The following EVA1C variants were observed in gnomAD, a reference collection of about 807,000 sequenced individuals.
The protein encoded by EVA1C is eva-1 homolog C.
EVA1C carries 25 observed loss-of-function variants against 45.4 expected under a neutral mutation model. That is an observed-to-expected ratio of 0.55 (90% CI 0.40 to 0.77). The LOEUF (loss-of-function observed/expected upper bound fraction) is 0.77, where lower values mean the gene tolerates loss of function less well. Among genes scored for constraint, EVA1C ranks in the 30% least tolerant of loss-of-function variants. The pLI, the probability that EVA1C is intolerant of heterozygous loss-of-function variation, is 0.00. For missense variants in EVA1C, 479 were observed against 554.8 expected (o/e 0.86, Z 1.37); for synonymous variants, 190 against 221.2 (o/e 0.86, Z 1.25).
At chr21:32,456,176 G>A (rs2146260668) in intron 2 of EVA1C, among the ~76,000 whole-genome samples, 1 of 149,362 alleles carries the variant, frequency 6.7e-6, no homozygotes, top group South Asian at 2.1e-4. Flanking sequence ...ACAGGTGTGA[G>A]CCACCGCGCC....
chr21:32,504,026 G>C lies in EVA1C; in HGVS notation c.949+11G>C. 6.4e-7 allele frequency: 1 copy of C among 1,566,356 alleles called. No homozygotes were observed. The highest frequency in any genetic ancestry group is 8.8e-7 in the Non-Finnish European group (1 of 1,140,698). On this transcript the variant is annotated intron_variant, in intron 7 of 7. Transcript: ENST00000300255. ...TTGCTTACATTAGAGGTAGGTCAAT[G>C]AATCAAAGCTTCCTAGAATGCTGAT...
chr21:32,457,709 A>T lies in EVA1C; in HGVS notation c.470A>T (p.Lys157Ile). 8 of 1,614,066 alleles carry T rather than the reference A, an allele frequency of 5.0e-6. No homozygotes were observed. Among genetic ancestry groups the T allele is most frequent in the Non-Finnish European group, 6.8e-6 (8 of 1,180,000 alleles). ...GSSKYLLVSF[K>I]CQPNELKNKT... ...AGTAAATACCTCCTGGTCTCCTTTAAATGCCAACCTAGTAAGTAACTTCGG... is the reference window on the plus strand; with the variant it reads ...AGTAAATACCTCCTGGTCTCCTTTATATGCCAACCTAGTAAGTAACTTCGG... The change falls in exon 3 of 8, where the codon AAA becomes ATA. Residue 157 changes from lysine (K) to isoleucine (I), a missense_variant. Lys to Ile is a moderately radical substitution (Grantham distance 102). Around this residue, in one of 3 missense-constraint regions of EVA1C, gnomAD observed 366 missense variants for 426.1 expected, o/e 0.86. Coordinates refer to ENST00000300255, the MANE Select transcript of EVA1C (RefSeq NM_058187.5).
chr21:32,414,918 G>A (rs2033976678), intron 1 of EVA1C, among the ~76,000 whole-genome samples: 1 of 152,104 alleles, frequency 6.6e-6, no homozygotes, highest in Non-Finnish European at 1.5e-5. Context: ...CCAAACCACT[G>A]ATGCACTTAA....
intron 2 of EVA1C, among the ~76,000 whole-genome samples, chr21:32,455,938 G>C (rs1568902920): frequency 6.6e-6 from 1 of 152,076 alleles, no homozygotes. Context: ...TGTTGCCCAG[G>C]CTGGAGTGCA....
chr21:32,488,988 T>G (rs940605972), intron 4 of EVA1C, among the ~76,000 whole-genome samples: 1 of 152,270 alleles, frequency 6.6e-6, no homozygotes, highest in African/African-American at 2.4e-5. Context: ...TATAAGTTCC[T>G]TATATATTTG....
chr21:32,499,300 C>A (rs909630221), intron 5 of EVA1C, among the ~76,000 whole-genome samples: 1 of 152,168 alleles, frequency 6.6e-6, no homozygotes, highest in Non-Finnish European at 1.5e-5. Flanking sequence ...GAAATGAATG[C>A]GAGGTAATTA....
At chr21:32,489,737 A>T (rs2037091929) in intron 4 of EVA1C, among the ~76,000 whole-genome samples, 1 of 152,102 alleles carries the variant, frequency 6.6e-6, no homozygotes, top group Non-Finnish European at 1.5e-5. Context: ...TAAGCATGGG[A>T]TACCTTTTCA....
intron 1 of EVA1C, among the ~76,000 whole-genome samples, chr21:32,429,925 T>C (rs1313231662): frequency 3.3e-5 from 5 of 152,220 alleles, no homozygotes; most frequent in Non-Finnish European, 5.9e-5. Context: ...TTTTTGCTTA[T>C]GAAGGCTTGG....
intron 3 of EVA1C, among the ~76,000 whole-genome samples, chr21:32,465,751 G>C (rs2036149539): frequency 1.3e-5 from 2 of 152,114 alleles, no homozygotes; most frequent in African/African-American, 4.8e-5. Context: ...GCCCGCCTTG[G>C]CCTCTCAAAG....
intron 4 of EVA1C, among the ~76,000 whole-genome samples, chr21:32,494,396 T>C (rs2833853): frequency 0.18 from 26,791 of 152,162 alleles, 3,254 homozygotes; most frequent in African/African-American, 0.32. Context: ...CAAAGCATGG[T>C]AAAGGTCGTA....
chr21:32,412,686 C>T (rs1277829807), upstream of EVA1C: 1 of 562,320 alleles, frequency 1.8e-6, no homozygotes, highest in Non-Finnish European at 2.7e-6. Flanking sequence ...GCTGGGGCGC[C>T]TGGGCTGGCC....
chr21:32,481,316 T>C (rs1482917986), intron 4 of EVA1C, among the ~76,000 whole-genome samples: 1 of 152,110 alleles, frequency 6.6e-6, no homozygotes, highest in Non-Finnish European at 1.5e-5. Flanking sequence ...TTTTTTCTAC[T>C]TAGGGAGAGG....
intron 1 of EVA1C, among the ~76,000 whole-genome samples, chr21:32,418,272 G>A (rs1308078910): frequency 1.3e-5 from 2 of 152,170 alleles, no homozygotes; most frequent in Non-Finnish European, 2.9e-5. Context: ...CAAACCAAAT[G>A]TCCGAAGGAG....
intron 1 of EVA1C, among the ~76,000 whole-genome samples, chr21:32,434,646 A>G (rs903737282): frequency 6.6e-6 from 1 of 151,476 alleles, no homozygotes; most frequent in Non-Finnish European, 1.5e-5. Context: ...TTATATATAT[A>G]TAGATATAGA....
intron 7 of EVA1C, among the ~76,000 whole-genome samples, chr21:32,509,326 A>G (rs2037870904): frequency 6.6e-6 from 1 of 152,246 alleles, no homozygotes; most frequent in Admixed American, 6.5e-5. Context: ...GCTGCATCTC[A>G]GCAGAGTTGA....
At chr21:32,435,851 T>TAAA (rs1555852437) in intron 1 of EVA1C, among the ~76,000 whole-genome samples, 16 of 107,198 alleles carry the variant, frequency 1.5e-4, no homozygotes, top group Admixed American at 3.8e-4. Context: ...TCCTTCTAAG[T>TAAA]AAAGAAAAAT....
rs985462705 is a variant in EVA1C at position 32,496,826 on chromosome 21, A to G, written c.778+1656A>G. On this transcript the variant is annotated intron_variant, in intron 5 of 7. Transcript: ENST00000300255. ...CTGGGAACGGAGTATATTCTAGTGAAAGGAGACCAGGTGACTGGCATAGTG... is the reference window on the plus strand; with the variant it reads ...CTGGGAACGGAGTATATTCTAGTGAGAGGAGACCAGGTGACTGGCATAGTG... The G allele has an allele frequency of 2.4e-5, 20 of 835,070 alleles. No individual in the cohort carries two copies. In the African/African-American group the frequency reaches 3.0e-4, roughly 13 times the overall value. 51.7% of individuals were successfully genotyped at this position (835,070 alleles called of 1,614,324 possible).
chr21:32,446,582 C>A (rs1351752212), intron 1 of EVA1C, among the ~76,000 whole-genome samples: 1 of 152,160 alleles, frequency 6.6e-6, no homozygotes, highest in Non-Finnish European at 1.5e-5. Context: ...ATGACTCTGC[C>A]CAGCACACTG....
intron 2 of EVA1C, among the ~76,000 whole-genome samples, chr21:32,457,232 G>A (rs949993038): frequency 2.6e-5 from 4 of 152,186 alleles, no homozygotes; most frequent in Non-Finnish European, 4.4e-5. Context: ...GACCCCGCTC[G>A]AAGGGGACCC....
Sources: allele counts gnomAD v4.1 joint callset (sites outside exome capture counted in the v4.1 genomes callset), GRCh38; gene constraint gnomAD v4.1.1; regional missense constraint gnomAD v4.1.1; transcripts MANE v1.5; gene names NCBI Gene and HGNC (gene_info 2026-07-23, HGNC 2026-07-21).